Variants in SGCZ observed in about 807,000 individuals in gnomAD.
SGCZ encodes the protein zeta-sarcoglycan.
Under a neutral mutation model 41.3 loss-of-function variants are expected in SGCZ, and 40 were observed. The ratio of observed to expected loss-of-function variants is 0.97; its 90% CI spans 0.75 to 1.26. The LOEUF is 1.26. SGCZ is among the 50% of genes most tolerant of loss of function. The pLI is 0.00. For synonymous variants in SGCZ, 206 were observed against 137.5 expected, an observed-to-expected ratio of 1.50 and a Z score of -3.49; for missense variants, 552 against 369.8, an observed-to-expected ratio of 1.49 and a Z score of -4.04.
intron 2 of SGCZ, among the ~76,000 whole-genome samples, chr8:14,549,876 A>G (rs1442420201): frequency 6.6e-6 from 1 of 152,042 alleles, no homozygotes; most frequent in East Asian, 1.9e-4. Flanking sequence ...CTTAGGAGGT[A>G]ACAAGTTAGT....
chr8:14,168,098 A>T (rs1041481384), intron 4 of SGCZ, among the ~76,000 whole-genome samples: 1 of 152,118 alleles, frequency 6.6e-6, no homozygotes, highest in African/African-American at 2.4e-5. Flanking sequence ...TTTTCTATAT[A>T]ACTCTTCACT....
chr8:14,377,926 T>A (rs1804196708), intron 2 of SGCZ, among the ~76,000 whole-genome samples: 1 of 150,656 alleles, frequency 6.6e-6, no homozygotes, highest in African/African-American at 2.5e-5. Context: ...ATCCAGTCTA[T>A]CATCGTTGGA....
chr8:15,128,943 C>T (rs1406300842), intron 1 of SGCZ, among the ~76,000 whole-genome samples: 3 of 152,104 alleles, frequency 2.0e-5, no homozygotes, highest in South Asian at 2.1e-4. Flanking sequence ...ACCCACCTCC[C>T]CAAACTTGGT....
chr8:14,105,462 T>G (rs1802174995), intron 6 of SGCZ, among the ~76,000 whole-genome samples: 1 of 152,154 alleles, frequency 6.6e-6, no homozygotes, highest in African/African-American at 2.4e-5. Context: ...CCGTGTTGAT[T>G]AGAAGTAGGC....
At chr8:14,824,962 C>T (rs1802247531) in intron 1 of SGCZ, among the ~76,000 whole-genome samples, 1 of 152,096 alleles carries the variant, frequency 6.6e-6, no homozygotes, top group Admixed American at 6.6e-5. Flanking sequence ...GGTAGACATA[C>T]TGTATTACAA....
At chr8:14,601,448 G>C (rs1351575633) in intron 1 of SGCZ, among the ~76,000 whole-genome samples, 1 of 148,162 alleles carries the variant, frequency 6.7e-6, no homozygotes, top group African/African-American at 2.4e-5. Flanking sequence ...CTTGAAGTTG[G>C]TTCCTTTTTT....
At chr8:14,632,902 A>AAAAATGAT (rs1227373946) in intron 1 of SGCZ, among the ~76,000 whole-genome samples, 1 of 151,954 alleles carries the variant, frequency 6.6e-6, no homozygotes, top group Non-Finnish European at 1.5e-5. Flanking sequence ...TAAACTATGT[A>AAAAATGAT]AAAATGATCA....
intron 1 of SGCZ, among the ~76,000 whole-genome samples, chr8:14,954,387 G>C (rs1800732331): frequency 6.6e-6 from 1 of 152,104 alleles, no homozygotes; most frequent in Non-Finnish European, 1.5e-5. Context: ...AATCATTGAA[G>C]GTTGTCTTCA....
At chr8:14,651,579 A>C (rs1236300569) in intron 1 of SGCZ, among the ~76,000 whole-genome samples, 1 of 152,034 alleles carries the variant, frequency 6.6e-6, no homozygotes, top group African/African-American at 2.4e-5. Context: ...TTCACTACGC[A>C]CACTCACTCA....
intron 2 of SGCZ, among the ~76,000 whole-genome samples, chr8:14,333,725 A>C (rs776057976): frequency 2.6e-5 from 4 of 152,030 alleles, no homozygotes; most frequent in Admixed American, 6.6e-5. Flanking sequence ...TAGGTGAAAT[A>C]ATACCCCTTT....
chr8:15,123,098 T>A (rs1307602015), intron 1 of SGCZ, among the ~76,000 whole-genome samples: 1 of 152,198 alleles, frequency 6.6e-6, no homozygotes, highest in Admixed American at 6.5e-5. Context: ...TGTGAAGCTT[T>A]AATGCTCTTC....
chr8:14,563,213 G>A (rs1246778182), intron 1 of SGCZ, among the ~76,000 whole-genome samples: 1 of 152,074 alleles, frequency 6.6e-6, no homozygotes, highest in African/African-American at 2.4e-5. Flanking sequence ...CTGAGATTTA[G>A]GATACCTGCA....
At chr8:14,324,019 T>C (rs975048227) in intron 3 of SGCZ, 84 bp downstream of exon 3, 3 of 835,792 alleles carry the variant, frequency 3.6e-6, no homozygotes, top group Non-Finnish European at 5.8e-6. Flanking sequence ...GCTGAAGAGA[T>C]AAGGGGATTC....
At chr8:15,061,543 C>A (rs1284975094) in intron 1 of SGCZ, among the ~76,000 whole-genome samples, 5 of 136,504 alleles carry the variant, frequency 3.7e-5, no homozygotes, top group South Asian at 2.4e-4. Flanking sequence ...AAAAAAAAAA[C>A]AGGAAAAAAT....
intron 1 of SGCZ, among the ~76,000 whole-genome samples, chr8:15,033,584 G>A (rs569778567): frequency 2.0e-5 from 3 of 152,172 alleles, no homozygotes; most frequent in South Asian, 2.1e-4. Flanking sequence ...ACTCCAGGAC[G>A]AGTCCTATGG....
At chr8:15,074,613 C>T (rs911599770) in intron 1 of SGCZ, among the ~76,000 whole-genome samples, 3 of 152,064 alleles carry the variant, frequency 2.0e-5, no homozygotes, top group Non-Finnish European at 2.9e-5. Context: ...TGCTTGCTTT[C>T]TTCTCTCCTC....
In SGCZ at chr8:14,332,897, CTATATAT is replaced by C. The variant is rs1802387448; in HGVS notation, c.235-8700_235-8694del. On this transcript the variant is annotated intron_variant, in intron 2 of 7. Coordinates refer to ENST00000382080, the MANE Select transcript of SGCZ (RefSeq NM_139167.4). Reference sequence around the variant, plus strand: ...AGGTTTGTATATATTATATGTGTGTCTATATATCTATACACACATATATATACATATA... The same window carrying C: ...AGGTTTGTATATATTATATGTGTGTCCTATACACACATATATATACATATA... Among the ~76,000 whole-genome samples the C allele has an allele frequency of 5.4e-5, 8 of 147,726 alleles. No individual in the cohort carries two copies. The South Asian group carries it at 1.7e-3, about 31-fold the overall frequency.
chr8:14,134,558 A>T lies in SGCZ; in HGVS notation c.548-26323T>A, dbSNP rs541827540. On this transcript the variant is annotated intron_variant, in intron 5 of 7. Coordinates refer to ENST00000382080, the MANE Select transcript of SGCZ (RefSeq NM_139167.4). ...AATAGAATTCTTAAATATTTGAGTTACTGTATGTTATTTTGCACCACTTAA... is the reference window on the plus strand; with the variant it reads ...AATAGAATTCTTAAATATTTGAGTTTCTGTATGTTATTTTGCACCACTTAA... Among the ~76,000 whole-genome samples the T allele has an allele frequency of 1.4e-4, 22 of 152,318 alleles. No homozygotes were observed. The East Asian group carries it at 4.2e-3, about 29-fold the overall frequency.
chr8:14,321,481 G>C (rs1363983924), intron 3 of SGCZ, among the ~76,000 whole-genome samples: 3 of 152,008 alleles, frequency 2.0e-5, no homozygotes, highest in Non-Finnish European at 4.4e-5. Flanking sequence ...TGCATCTTCT[G>C]TTCAATAGAC....
Sources: gnomAD v4.1 joint callset for allele counts (sites outside exome capture counted in the v4.1 genomes callset) on GRCh38, gnomAD v4.1.1 for gene constraint, MANE v1.5 for transcripts, NCBI Gene and HGNC (gene_info 2026-07-23, HGNC 2026-07-21) for gene names.